Variants in TRUB2 observed in about 807,000 individuals in gnomAD.
TRUB2 encodes TruB pseudouridine synthase family member 2.
A neutral mutation model predicts 31.9 loss-of-function variants in TRUB2; 31 were observed. The ratio of observed to expected loss-of-function variants is 0.97; its 90% CI spans 0.73 to 1.31. The LOEUF (loss-of-function observed/expected upper bound fraction) is 1.31, where lower values mean the gene tolerates loss of function less well. Ranked by LOEUF, TRUB2 falls within the 50% of genes most tolerant of loss-of-function variation. TRUB2 has a pLI of 0.00. For synonymous variants in TRUB2, 201 were observed against 182.6 expected, an observed-to-expected ratio of 1.10 and a Z score of -0.81; for missense variants, 451 against 439.6, an observed-to-expected ratio of 1.03 and a Z score of -0.23.
In TRUB2 at chr9:128,307,815, A is replaced by G. The variant is rs1037576312; in HGVS notation, c.*1735T>C. On this transcript the variant is annotated 3_prime_UTR_variant, in exon 8 of 8. Coordinates refer to ENST00000372890, the MANE Select transcript of TRUB2 (RefSeq NM_015679.3). ...CTATTCTGGAAGCTGAGGTGGGAAG[A>G]TGGTTAAGCCTGAGAGGACAAAGCT... 1 of 152,026 alleles carries G rather than the reference A, an allele frequency of 6.6e-6. No individual in the cohort carries two copies. Among genetic ancestry groups the G allele is most frequent in the African/African-American group, 2.4e-5 (1 of 41,360 alleles). The allele number at this position is 152,026 out of a possible 1,614,324, so 9.4% of individuals were successfully genotyped here.
chr9:128,316,933 G>C, intron 3 of TRUB2: 1 of 541,096 alleles, frequency 1.8e-6, no homozygotes, highest in African/African-American at 1.9e-5. Flanking sequence ...TGTCATGTGT[G>C]GGAATCACTG....
intron 5 of TRUB2, among the ~76,000 whole-genome samples, chr9:128,312,612 A>AT (rs1831991474): frequency 7.4e-6 from 1 of 135,778 alleles, no homozygotes; most frequent in African/African-American, 2.8e-5. Context: ...TTGTATTATT[A>AT]TTATTTTTTT....
At chr9:128,311,257 G>A in intron 6 of TRUB2, 1 of 629,874 alleles carries the variant, frequency 1.6e-6, no homozygotes, top group Non-Finnish European at 2.7e-6. Flanking sequence ...TGGGCTCTGT[G>A]CTCCAATGAT....
intron 5 of TRUB2, among the ~76,000 whole-genome samples, chr9:128,312,373 G>A (rs1409406130): frequency 6.6e-6 from 1 of 151,004 alleles, no homozygotes; most frequent in Non-Finnish European, 1.5e-5. Flanking sequence ...CCTGACATCA[G>A]GCAATCCACC....
chr9:128,320,437 A>G (rs1832145089), intron 2 of TRUB2, among the ~76,000 whole-genome samples: 1 of 151,916 alleles, frequency 6.6e-6, no homozygotes, highest in African/African-American at 2.4e-5. Flanking sequence ...GGTTCAAGCA[A>G]TTCTCCTGCC....
intron 2 of TRUB2, 141 bp downstream of exon 2, chr9:128,321,458 A>C (rs1832173634): frequency 6.9e-7 from 1 of 1,439,320 alleles, no homozygotes; most frequent in Admixed American, 2.3e-5. Context: ...TTCCAAGGAA[A>C]TCTGCCAATT....
In TRUB2 at chr9:128,305,682, C is replaced by T. The variant is rs1831853732; in HGVS notation, c.*3868G>A. ...GGGATTACAGGCGTGAGCCACCACG[C>T]TCAGCCTGCTGGGTGGCTTTTTCTT... is the stretch of plus-strand genomic sequence containing the variant. On this transcript the variant is annotated 3_prime_UTR_variant, in exon 8 of 8. Transcript: ENST00000372890. 6.6e-6 allele frequency: 1 copy of T among 152,278 alleles called. No homozygotes were observed. Among genetic ancestry groups the T allele is most frequent in the Admixed American group, 6.5e-5 (1 of 15,268 alleles). 9.4% of individuals were successfully genotyped at this position (152,278 alleles called of 1,614,324 possible). A position where few individuals can be genotyped will look rare whatever the true frequency, so the allele number is the denominator to read the frequency against.
intron 4 of TRUB2, 51 bp from the exon 5 acceptor site, chr9:128,313,940 A>G (rs1198320454): frequency 6.4e-7 from 1 of 1,569,468 alleles, no homozygotes; most frequent in Non-Finnish European, 8.8e-7. Flanking sequence ...TCTAAGCCCT[A>G]GTAGCCCCTG....
chr9:128,311,859 G>A (rs1198282030), intron 5 of TRUB2, among the ~76,000 whole-genome samples: 10 of 140,716 alleles, frequency 7.1e-5, no homozygotes, highest in Admixed American at 1.5e-4. Flanking sequence ...TTTTTGAGAC[G>A]GAGTCTCGCT....
chr9:128,320,158 C>T (rs548280627), intron 2 of TRUB2, among the ~76,000 whole-genome samples: 4 of 151,694 alleles, frequency 2.6e-5, no homozygotes, highest in East Asian at 1.9e-4. Flanking sequence ...CCTCGTGATC[C>T]GCCCACCTCA....
At chr9:128,312,369 A>G (rs7468221) in intron 5 of TRUB2, among the ~76,000 whole-genome samples, 1 of 150,548 alleles carries the variant, frequency 6.6e-6, no homozygotes, top group Non-Finnish European at 1.5e-5. Context: ...AACTCCTGAC[A>G]TCAGGCAATC....
chr9:128,308,697 A>C lies in TRUB2; in HGVS notation c.*853T>G, dbSNP rs1349676107. 1 of 152,126 alleles carries C rather than the reference A, an allele frequency of 6.6e-6. No individual in the cohort carries two copies. Among genetic ancestry groups the C allele is most frequent in the African/African-American group, 2.4e-5 (1 of 41,408 alleles). 9.4% of individuals were successfully genotyped at this position (152,126 alleles called of 1,614,324 possible). A position where few individuals can be genotyped will look rare whatever the true frequency, so the allele number is the denominator to read the frequency against. On this transcript the variant is annotated 3_prime_UTR_variant, in exon 8 of 8. Transcript: ENST00000372890. ...GCCAGGTGCGGTGGCTCACGCCTGT[A>C]ATCCCAGCACTTTGGGAGGCTGAGC... is the stretch of plus-strand genomic sequence containing the variant.
At chr9:128,317,999 G>A (rs1166911616) in intron 2 of TRUB2, among the ~76,000 whole-genome samples, 4 of 152,144 alleles carry the variant, frequency 2.6e-5, no homozygotes, top group Non-Finnish European at 5.9e-5. Context: ...TAGTGATGGG[G>A]ACACATTACC....
chr9:128,309,400 G>T lies in TRUB2; in HGVS notation c.*150C>A. ...ACAGAAGTTTTTCCTTCTCAGTTGGGTCAAGTCCATTGACCTTTCTGTTAC... is the reference window on the plus strand; with the variant it reads ...ACAGAAGTTTTTCCTTCTCAGTTGGTTCAAGTCCATTGACCTTTCTGTTAC... On this transcript the variant is annotated 3_prime_UTR_variant, in exon 8 of 8. Transcript: ENST00000372890. 1 of 809,650 alleles carries T rather than the reference G, an allele frequency of 1.2e-6. No homozygotes were observed. Among genetic ancestry groups the T allele is most frequent in the Non-Finnish European group, 1.9e-6 (1 of 524,206 alleles). 50.2% of individuals were successfully genotyped at this position (809,650 alleles called of 1,614,324 possible).
Position 128,311,595 on chromosome 9 carries a change from A to G in TRUB2, c.467T>C (p.Val156Ala), listed in dbSNP as rs1307117113. Residue 156 changes from valine to alanine, a missense_variant, in exon 6 of 8, where the codon GTG (valine) becomes GCG (alanine). By Grantham distance (64) the Val-to-Ala change is moderately conservative. Coordinates refer to ENST00000372890, the MANE Select transcript of TRUB2 (RefSeq NM_015679.3). ...AATGCGGTCCAGCTTCTCTCTGGTC[A>G]CGTGGTCTGGAAAAGGCAGGGGGTT... ...RLVEKTTYDH[V>A]TREKLDRILA... 6.2e-7 allele frequency: 1 copy of G among 1,614,004 alleles called. No individual in the cohort carries two copies. Among genetic ancestry groups the G allele is most frequent in the Admixed American group, 1.7e-5 (1 of 59,976 alleles).
chr9:128,312,556 G>C (rs532399573), intron 5 of TRUB2, among the ~76,000 whole-genome samples: 2 of 151,350 alleles, frequency 1.3e-5, no homozygotes, highest in African/African-American at 2.4e-5. Flanking sequence ...TCAGCCTCCC[G>C]AGTACCTGGG....
At chr9:128,317,124 G>A in intron 3 of TRUB2, 28 bp downstream of exon 3, 1 of 1,551,408 alleles carries the variant, frequency 6.4e-7, no homozygotes, top group South Asian at 1.2e-5. Context: ...CCTTATCACT[G>A]TACCCCCAGG....
chr9:128,318,015 C>T (rs917334477), intron 2 of TRUB2, among the ~76,000 whole-genome samples: 2 of 152,164 alleles, frequency 1.3e-5, no homozygotes, highest in African/African-American at 2.4e-5. Flanking sequence ...TTACCAGAAC[C>T]AGTTCCATTG....
In TRUB2 at chr9:128,310,969, G is replaced by A. The variant is rs1831958453; in HGVS notation, c.588C>T (p.Gly196=). Residue 196 remains glycine, a synonymous_variant, in exon 7 of 8, where the codon GGC becomes GGT. Transcript: ENST00000372890. The part of the protein sequence containing the change: ...TQEAYEMAVR[G]LIRPMNKSPM... ...GGGACTTGTTCATGGGCCGGATCAG[G>A]CCTCTCACGGCCATCTCATAGGCCT... The A allele has an allele frequency of 6.2e-7, 1 of 1,614,230 alleles. No individual in the cohort carries two copies. Among genetic ancestry groups the A allele is most frequent in the African/African-American group, 1.3e-5 (1 of 75,058 alleles).
Sources: allele counts gnomAD v4.1 joint callset (sites outside exome capture counted in the v4.1 genomes callset), GRCh38; gene constraint gnomAD v4.1.1; transcripts MANE v1.5; gene names NCBI Gene and HGNC (gene_info 2026-07-23, HGNC 2026-07-21).